ABHD17C: variants seen among roughly 807,000 people sequenced by gnomAD.
The protein encoded by ABHD17C is abhydrolase domain containing 17C, depalmitoylase.
In ABHD17C, 11 loss-of-function variants were observed where a neutral mutation model predicts 27.9. That is an observed-to-expected ratio of 0.39 (90% CI 0.25 to 0.65). The LOEUF (loss-of-function observed/expected upper bound fraction) is 0.65. ABHD17C is among the 30% of genes least tolerant of loss of function. The pLI, the probability that ABHD17C is intolerant of heterozygous loss-of-function variation, is 0.45. For synonymous variants in ABHD17C, 233 were observed against 209.1 expected (o/e 1.11, Z -0.98); for missense variants, 280 against 470.2 (o/e 0.60, Z 3.74).
chr15:80,712,025 G>A (rs1894734746), intron 1 of ABHD17C, among the ~76,000 whole-genome samples: 1 of 152,128 alleles, frequency 6.6e-6, no homozygotes, highest in South Asian at 2.1e-4. Flanking sequence ...TAGCCCTCCT[G>A]CACCATTCAT....
At chr15:80,746,385 TGG>T (rs779605324) in intron 1 of ABHD17C, among the ~76,000 whole-genome samples, 2 of 152,234 alleles carry the variant, frequency 1.3e-5, no homozygotes, top group Non-Finnish European at 2.9e-5. Context: ...CACTTTCTTA[TGG>T]GTGTCTTCTG....
chr15:80,701,658 G>A (rs531502757), intron 1 of ABHD17C, among the ~76,000 whole-genome samples: 37 of 147,726 alleles, frequency 2.5e-4, no homozygotes, highest in African/African-American at 8.5e-4. Flanking sequence ...CAGCCTGGGC[G>A]ACAGAGCGAG....
intron 1 of ABHD17C, among the ~76,000 whole-genome samples, chr15:80,705,331 A>ATTTT (rs529176453): frequency 1.7e-5 from 1 of 60,412 alleles, no homozygotes; most frequent in African/African-American, 8.3e-5. Flanking sequence ...GCTTCCTATG[A>ATTTT]TTTGTGTGTG....
At chr15:80,749,393 A>T (rs1253643538) in intron 1 of ABHD17C, 120 bp from the exon 2 acceptor site, 3 of 995,166 alleles carry the variant, frequency 3.0e-6, no homozygotes, top group Non-Finnish European at 4.4e-6. Flanking sequence ...TACAAGTTAG[A>T]TGATATGGTT....
intron 1 of ABHD17C, among the ~76,000 whole-genome samples, chr15:80,736,469 T>A (rs895329325): frequency 5.9e-5 from 9 of 152,246 alleles, no homozygotes; most frequent in African/African-American, 2.2e-4. Context: ...TGGTCCTATT[T>A]ACACACCTGC....
intron 1 of ABHD17C, among the ~76,000 whole-genome samples, chr15:80,721,673 GTTTACACT>G (rs1388168545): frequency 6.6e-6 from 1 of 152,160 alleles, no homozygotes; most frequent in African/African-American, 2.4e-5. Context: ...TTGTTCTTCA[GTTTACACT>G]GAGGAAGGAA....
intron 1 of ABHD17C, among the ~76,000 whole-genome samples, chr15:80,722,792 C>T (rs1894916314): frequency 6.6e-6 from 1 of 152,180 alleles, no homozygotes; most frequent in Admixed American, 6.5e-5. Context: ...TTAGATTCCA[C>T]ATGTAAGTGA....
chr15:80,701,687 A>C (rs1024401620), intron 1 of ABHD17C, among the ~76,000 whole-genome samples: 6 of 152,182 alleles, frequency 3.9e-5, no homozygotes, highest in Non-Finnish European at 8.8e-5. Flanking sequence ...TCAAAAAAAA[A>C]AAAAACAAAT....
intron 2 of ABHD17C, among the ~76,000 whole-genome samples, chr15:80,750,998 C>T (rs956052859): frequency 5.3e-5 from 8 of 151,666 alleles, no homozygotes; most frequent in African/African-American, 1.7e-4. Flanking sequence ...TCTGGTATGG[C>T]AGGTATCGGG....
chr15:80,714,014 C>T (rs944738598), intron 1 of ABHD17C, among the ~76,000 whole-genome samples: 3 of 151,922 alleles, frequency 2.0e-5, no homozygotes, highest in Admixed American at 6.6e-5. Flanking sequence ...AGTGCAGTGG[C>T]GCAATCATGG....
chr15:80,739,789 A>G (rs1416571666), intron 1 of ABHD17C, among the ~76,000 whole-genome samples: 2 of 152,160 alleles, frequency 1.3e-5, no homozygotes, highest in Non-Finnish European at 2.9e-5. Flanking sequence ...ATAGCAACAC[A>G]AAGTGGACCA....
chr15:80,725,025 C>T (rs558023852), intron 1 of ABHD17C, among the ~76,000 whole-genome samples: 1 of 152,282 alleles, frequency 6.6e-6, no homozygotes, highest in South Asian at 2.1e-4. Flanking sequence ...ACCCTAGTGT[C>T]TTACAGAGTG....
intron 1 of ABHD17C, among the ~76,000 whole-genome samples, chr15:80,710,350 C>T (rs902411274): frequency 5.9e-5 from 9 of 152,224 alleles, no homozygotes; most frequent in Middle Eastern, 3.4e-3. Context: ...CCTTGCAGAC[C>T]ATTGCAGGGA....
intron 1 of ABHD17C, among the ~76,000 whole-genome samples, chr15:80,733,512 C>G (rs1256009202): frequency 6.6e-6 from 1 of 152,162 alleles, no homozygotes; most frequent in Non-Finnish European, 1.5e-5. Context: ...CAGACCTGGA[C>G]ATGTATTCAC....
intron 1 of ABHD17C, among the ~76,000 whole-genome samples, chr15:80,707,651 C>A (rs1160125145): frequency 1.3e-5 from 2 of 151,800 alleles, no homozygotes; most frequent in Non-Finnish European, 2.9e-5. Flanking sequence ...CCAAAGCCAT[C>A]CTGGGCCGAG....
chr15:80,713,941 T>C (rs149466492), intron 1 of ABHD17C, among the ~76,000 whole-genome samples: 7,289 of 68,032 alleles, frequency 0.11, 404 homozygotes, highest in African/African-American at 0.23. Context: ...CACACACACA[T>C]ATATTTATTT....
chr15:80,743,373 G>A (rs888330093), intron 1 of ABHD17C, among the ~76,000 whole-genome samples: 5 of 152,116 alleles, frequency 3.3e-5, no homozygotes, highest in Admixed American at 1.3e-4. Flanking sequence ...TAGGGAGCAG[G>A]AATGTTTACT....
At chr15:80,713,354 C>CTTTTTTTTGTTTTTTTTTT (rs1894753516) in intron 1 of ABHD17C, among the ~76,000 whole-genome samples, 1 of 43,854 alleles carries the variant, frequency 2.3e-5, no homozygotes, top group African/African-American at 9.9e-5. Flanking sequence ...AGGTCTTGTT[C>CTTTTTTTTGTTTTTTTTTT]TTTTTTTTTT....
chr15:80,751,221 G>A (rs138630969), intron 2 of ABHD17C, among the ~76,000 whole-genome samples: 49 of 151,974 alleles, frequency 3.2e-4, no homozygotes, highest in Admixed American at 5.9e-4. Flanking sequence ...TTAGACGAGC[G>A]TGGTGGTGCA....
Sources: allele counts gnomAD v4.1 joint callset (sites outside exome capture counted in the v4.1 genomes callset), GRCh38; gene constraint gnomAD v4.1.1; transcripts MANE v1.5; gene names NCBI Gene and HGNC (gene_info 2026-07-23, HGNC 2026-07-21).